RSRC1: variants seen among roughly 807,000 people sequenced by gnomAD.
The protein encoded by RSRC1 is serine/Arginine-related protein 53.
RSRC1 carries 39 observed loss-of-function variants against 49.1 expected under a neutral mutation model. The ratio of observed to expected loss-of-function variants is 0.79; its 90% confidence interval spans 0.61 to 1.04. The LOEUF is 1.04. Ranked by LOEUF, RSRC1 falls within the 50% of genes least tolerant of loss-of-function variation. RSRC1 has a pLI of 0.00. For synonymous variants in RSRC1, 143 were observed against 130.8 expected (o/e 1.09, Z -0.63); for missense variants, 388 against 402.4 (o/e 0.96, Z 0.31).
intron 5 of RSRC1, among the ~76,000 whole-genome samples, chr3:158,298,731 G>A (rs2108118789): frequency 6.6e-6 from 1 of 152,236 alleles, no homozygotes; most frequent in South Asian, 2.1e-4. Context: ...ACAACATTAA[G>A]TAGTTCATTT....
At chr3:158,501,797 T>C (rs1421353810) in intron 7 of RSRC1, among the ~76,000 whole-genome samples, 1 of 152,222 alleles carries the variant, frequency 6.6e-6, no homozygotes, top group East Asian at 1.9e-4. Flanking sequence ...TAAGTTCTTA[T>C]CCATTCTGCG....
At chr3:158,165,356 G>A (rs1205386541) in intron 3 of RSRC1, among the ~76,000 whole-genome samples, 4 of 152,218 alleles carry the variant, frequency 2.6e-5, no homozygotes, top group African/African-American at 9.6e-5. Context: ...GCTCATATGA[G>A]ATCGTTAATA....
chr3:158,238,619 G>A lies in RSRC1; in HGVS notation c.494+35374G>A, dbSNP rs181832010. Among the ~76,000 whole-genome samples, 182 of 152,298 alleles carry A rather than the reference G, an allele frequency of 1.2e-3. 3 individuals are homozygous for A. In the East Asian group the frequency reaches 0.03, roughly 25 times the overall value. On this transcript the variant is annotated intron_variant, in intron 4 of 9. Coordinates refer to ENST00000611884, the MANE Select transcript of RSRC1 (RefSeq NM_001271838.2). Reference sequence around the variant, plus strand: ...CTGACAAAAACAAGAAATGGGGAAAGGATTCCCTGTTTAATAAATGGTGCT... The same window carrying A: ...CTGACAAAAACAAGAAATGGGGAAAAGATTCCCTGTTTAATAAATGGTGCT...
chr3:158,144,650 A>G (rs1716964861), intron 3 of RSRC1, among the ~76,000 whole-genome samples: 1 of 152,218 alleles, frequency 6.6e-6, no homozygotes, highest in African/African-American at 2.4e-5. Context: ...ATATATACCC[A>G]GTAATGGGAT....
chr3:158,408,303 T>C (rs1017017296), intron 6 of RSRC1, among the ~76,000 whole-genome samples: 1 of 152,204 alleles, frequency 6.6e-6, no homozygotes, highest in Non-Finnish European at 1.5e-5. Flanking sequence ...CAGTTGTACT[T>C]AGAAGTCAAA....
Position 158,252,281 on chromosome 3 carries a change from C to T in RSRC1, c.495-45758C>T, listed in dbSNP as rs1724260642. ...GGTTCACGCCATTCTCCTGCCTCAG[C>T]CTCCCAAGTAGCTGGGACTACAGGC... On this transcript the variant is annotated intron_variant, in intron 4 of 9. Transcript: ENST00000611884. Among the ~76,000 whole-genome samples the T allele has an allele frequency of 2.0e-5, 3 of 152,138 alleles. No homozygotes were observed. The South Asian group carries it at 6.2e-4, about 32-fold the overall frequency.
At position 158,383,798 on chromosome 3, in the gene RSRC1, A is replaced by G. The variant is rs73874396; in HGVS notation, c.583+28890A>G. Among the ~76,000 whole-genome samples, 666 of 152,302 alleles carry G rather than the reference A, an allele frequency of 4.4e-3. 6 individuals are homozygous for G. The highest frequency in any genetic ancestry group is 0.015 in the African/African-American group (644 of 41,572). ...TTATAATGCATTATAGAAAGATATC[A>G]GTCACAAACAAGTGATTTACATGTT... On this transcript the variant is annotated intron_variant, in intron 6 of 9. Transcript: ENST00000611884.
chr3:158,190,312 A>G (rs1009223039), intron 3 of RSRC1, among the ~76,000 whole-genome samples: 1 of 151,904 alleles, frequency 6.6e-6, no homozygotes, highest in African/African-American at 2.4e-5. Context: ...TTATGATTGT[A>G]ATAATCTGTT....
At chr3:158,227,176 T>C (rs1722575006) in intron 4 of RSRC1, among the ~76,000 whole-genome samples, 1 of 151,886 alleles carries the variant, frequency 6.6e-6, no homozygotes, top group Admixed American at 6.6e-5. Context: ...ATTGCCCCTA[T>C]TCAGAATACA....
chr3:158,409,392 A>G (rs1734314107), intron 6 of RSRC1, among the ~76,000 whole-genome samples: 1 of 152,206 alleles, frequency 6.6e-6, no homozygotes, highest in African/African-American at 2.4e-5. Flanking sequence ...AACTTGTTAG[A>G]GGAGCAGTTG....
chr3:158,280,454 CT>C (rs1726076192), intron 4 of RSRC1, among the ~76,000 whole-genome samples: 1 of 151,910 alleles, frequency 6.6e-6, no homozygotes, highest in African/African-American at 2.4e-5. Context: ...TCCACATGAC[CT>C]GGTATATGTT....
chr3:158,152,460 A>G (rs540188307), intron 3 of RSRC1, among the ~76,000 whole-genome samples: 1 of 152,326 alleles, frequency 6.6e-6, no homozygotes, highest in African/African-American at 2.4e-5. Flanking sequence ...CTGGAATTAA[A>G]TGTCTCCTCT....
intron 5 of RSRC1, among the ~76,000 whole-genome samples, chr3:158,346,492 T>C (rs376651639): frequency 1.1e-4 from 16 of 152,254 alleles, no homozygotes; most frequent in East Asian, 7.7e-4. Flanking sequence ...GAACATCCAT[T>C]TTACCAAGGA....
chr3:158,534,770 A>G (rs1712624051), intron 7 of RSRC1, among the ~76,000 whole-genome samples: 1 of 151,596 alleles, frequency 6.6e-6, no homozygotes, highest in Non-Finnish European at 1.5e-5. Flanking sequence ...ATGCAATTAT[A>G]AAATAGAATG....
At chr3:158,504,472 A>G (rs1739761880) in intron 7 of RSRC1, among the ~76,000 whole-genome samples, 1 of 152,178 alleles carries the variant, frequency 6.6e-6, no homozygotes, top group African/African-American at 2.4e-5. Flanking sequence ...ATGCAGTGAA[A>G]ATTTGTTAAG....
intron 6 of RSRC1, among the ~76,000 whole-genome samples, chr3:158,453,565 T>A (rs1413208617): frequency 6.6e-6 from 1 of 151,878 alleles, no homozygotes; most frequent in Non-Finnish European, 1.5e-5. Flanking sequence ...ATATTTTTCA[T>A]AGAAACAGGG....
intron 6 of RSRC1, 126 bp downstream of exon 6, chr3:158,355,034 C>G: frequency 5.0e-6 from 3 of 601,194 alleles, no homozygotes; most frequent in Non-Finnish European, 8.3e-6. Context: ...TTTATCAGAT[C>G]TAGATTATAT....
At chr3:158,234,011 G>T (rs1723106149) in intron 4 of RSRC1, among the ~76,000 whole-genome samples, 1 of 152,176 alleles carries the variant, frequency 6.6e-6, no homozygotes, top group Non-Finnish European at 1.5e-5. Context: ...CTGTACACTT[G>T]TAAGGAAGAG....
At chr3:158,321,105 T>A (rs1728728562) in intron 5 of RSRC1, among the ~76,000 whole-genome samples, 1 of 152,140 alleles carries the variant, frequency 6.6e-6, no homozygotes. Flanking sequence ...AAAACATCTT[T>A]AGTATCTCCC....
Sources: allele counts gnomAD v4.1 joint callset (sites outside exome capture counted in the v4.1 genomes callset), GRCh38; gene constraint gnomAD v4.1.1; transcripts MANE v1.5; gene names NCBI Gene and HGNC (gene_info 2026-07-23, HGNC 2026-07-21).